The following RGS7 variants were observed in gnomAD, a reference collection of about 807,000 sequenced individuals.
RGS7 encodes regulator of G-protein signaling 7.
RGS7 carries 27 observed loss-of-function variants against 81.1 expected under a neutral mutation model. The ratio of observed to expected loss-of-function variants is 0.33; its 90% CI spans 0.25 to 0.46. The LOEUF (loss-of-function observed/expected upper bound fraction) is 0.46, where lower values mean the gene tolerates loss of function less well. Ranked by LOEUF, RGS7 falls within the 20% of genes least tolerant of loss-of-function variation. The pLI is 1.00. For missense variants in RGS7, 396 were observed against 607.4 expected (o/e 0.65, Z 3.66); for synonymous variants, 208 against 207.7 (o/e 1.00, Z -0.01).
At chr1:241,106,742 A>G (rs1266493948) in intron 2 of RGS7, among the ~76,000 whole-genome samples, 78 of 115,826 alleles carry the variant, frequency 6.7e-4, no homozygotes, top group African/African-American at 3.3e-3. Flanking sequence ...AAAAAAAACC[A>G]ACACCACCAC....
chr1:240,793,887 C>T (rs977225296), intron 18 of RGS7, among the ~76,000 whole-genome samples: 2 of 151,988 alleles, frequency 1.3e-5, no homozygotes, highest in Non-Finnish European at 2.9e-5. Flanking sequence ...GCTGGGATTA[C>T]AGGCGTGAGC....
chr1:241,145,465 A>G (rs543922290), intron 2 of RGS7, among the ~76,000 whole-genome samples: 33 of 152,312 alleles, frequency 2.2e-4, no homozygotes, highest in African/African-American at 7.5e-4. Context: ...TAAAGGTTGG[A>G]TCCGATAACT....
Position 241,105,001 on chromosome 1 carries a change from A to G in RGS7, c.79-6239T>C, listed in dbSNP as rs541826761. Among the ~76,000 whole-genome samples, 12 of 152,310 alleles carry G rather than the reference A, an allele frequency of 7.9e-5. No homozygotes were observed. In the South Asian group the frequency reaches 2.1e-3, roughly 26 times the overall value. ...TTAAGATTTGGTCTTGAGATGTTTGATATGTTTTTTTCTTTGTATGTAACT... is the reference window on the plus strand; with the variant it reads ...TTAAGATTTGGTCTTGAGATGTTTGGTATGTTTTTTTCTTTGTATGTAACT... On this transcript the variant is annotated intron_variant, in intron 2 of 18. Transcript: ENST00000440928.
At chr1:240,990,817 T>TA (rs1278808675) in intron 3 of RGS7, among the ~76,000 whole-genome samples, 1 of 152,228 alleles carries the variant, frequency 6.6e-6, no homozygotes, top group African/African-American at 2.4e-5. Flanking sequence ...TCAGTAAACC[T>TA]CAGATACATT....
chr1:241,288,625 C>T (rs1192555103), intron 2 of RGS7, among the ~76,000 whole-genome samples: 3 of 152,240 alleles, frequency 2.0e-5, no homozygotes, highest in Middle Eastern at 3.4e-3. Flanking sequence ...GCAGAGCCCA[C>T]GGTTATCTGT....
intron 2 of RGS7, among the ~76,000 whole-genome samples, chr1:241,282,521 A>G (rs917766787): frequency 1.3e-5 from 2 of 152,212 alleles, no homozygotes; most frequent in Non-Finnish European, 2.9e-5. Context: ...TCATCTGCAA[A>G]TAAGGATCTC....
intron 3 of RGS7, among the ~76,000 whole-genome samples, chr1:240,997,259 G>A (rs1687433099): frequency 6.6e-6 from 1 of 152,030 alleles, no homozygotes; most frequent in South Asian, 2.1e-4. Flanking sequence ...ATGATTACAG[G>A]TGTCAGCCAC....
chr1:240,903,972 G>A (rs1256375704), intron 6 of RGS7, among the ~76,000 whole-genome samples: 1 of 152,166 alleles, frequency 6.6e-6, no homozygotes, highest in East Asian at 1.9e-4. Flanking sequence ...AGAACTGTGA[G>A]CCAAATAAAC....
chr1:241,056,410 T>C (rs1023022181), intron 3 of RGS7, among the ~76,000 whole-genome samples: 1 of 152,212 alleles, frequency 6.6e-6, no homozygotes, highest in African/African-American at 2.4e-5. Flanking sequence ...TTTACGTTTT[T>C]GTGTGTGCCT....
intron 6 of RGS7, among the ~76,000 whole-genome samples, chr1:240,883,697 C>A (rs996144466): frequency 2.0e-5 from 3 of 152,218 alleles, no homozygotes; most frequent in African/African-American, 7.2e-5. Flanking sequence ...CCTGTTCCAG[C>A]TCTCATACTG....
chr1:241,145,976 C>G (rs1205396399), intron 2 of RGS7, among the ~76,000 whole-genome samples: 10 of 152,068 alleles, frequency 6.6e-5, no homozygotes, highest in Admixed American at 6.5e-4. Flanking sequence ...AGGGGAGAAG[C>G]AATGGCATCT....
At chr1:240,944,280 G>GTATA (rs1678168411) in intron 4 of RGS7, among the ~76,000 whole-genome samples, 5 of 21,182 alleles carry the variant, frequency 2.4e-4, no homozygotes, top group African/African-American at 7.9e-4. Context: ...GTGTGTGTGT[G>GTATA]TGTATATATA....
intron 6 of RGS7, among the ~76,000 whole-genome samples, chr1:240,929,817 G>A (rs866208290): frequency 4.6e-5 from 7 of 152,166 alleles, no homozygotes; most frequent in East Asian, 1.9e-4. Context: ...AAGACCCCAG[G>A]GAAAGTCAAT....
chr1:241,318,502 G>A (rs1187053374), intron 2 of RGS7, among the ~76,000 whole-genome samples: 2 of 151,714 alleles, frequency 1.3e-5, no homozygotes, highest in Non-Finnish European at 2.9e-5. Flanking sequence ...TGTTGCCCAG[G>A]CTGGAGTGCA....
At chr1:240,908,157 C>T (rs261829) in intron 6 of RGS7, among the ~76,000 whole-genome samples, 144,321 of 145,736 alleles carry the variant, frequency 0.99, 71,482 homozygotes, top group Middle Eastern at 1. Flanking sequence ...ATGAGAACAC[C>T]TGGACACAGG....
At position 241,056,511 on chromosome 1, in the gene RGS7, A is replaced by G. The variant is rs148740644; in HGVS notation, c.175+42155T>C. On this transcript the variant is annotated intron_variant, in intron 3 of 18. Transcript: ENST00000440928. ...TTACTACTCTATCTTTAGTGCAAAG[A>G]ATAATGTTTATCACACAACAGGTGC... is the stretch of plus-strand genomic sequence containing the variant. Among the ~76,000 whole-genome samples, 992 of 152,316 alleles carry G rather than the reference A, an allele frequency of 6.5e-3. 6 individuals carry two copies. Among genetic ancestry groups the G allele is most frequent in the Middle Eastern group, 0.024 (7 of 294 alleles).
intron 9 of RGS7, among the ~76,000 whole-genome samples, chr1:240,849,093 TC>T (rs1659621661): frequency 6.6e-6 from 1 of 152,162 alleles, no homozygotes; most frequent in South Asian, 2.1e-4. Flanking sequence ...CCCTAAGTCT[TC>T]CCTCCTTTCT....
At chr1:241,195,301 C>A (rs2072984597) in intron 2 of RGS7, among the ~76,000 whole-genome samples, 1 of 152,036 alleles carries the variant, frequency 6.6e-6, no homozygotes, top group South Asian at 2.1e-4. Context: ...TGTGGTGAAA[C>A]CCCGTCTCTA....
At chr1:241,327,048 G>GAGT (rs2081575496) in intron 2 of RGS7, among the ~76,000 whole-genome samples, 1 of 28,570 alleles carries the variant, frequency 3.5e-5, no homozygotes, top group Non-Finnish European at 6.8e-5. Context: ...GGGAGGGAGG[G>GAGT]GAAAGGAAGG....
Sources: gnomAD v4.1 joint callset for allele counts (sites outside exome capture counted in the v4.1 genomes callset) on GRCh38, gnomAD v4.1.1 for gene constraint, MANE v1.5 for transcripts, NCBI Gene and HGNC (gene_info 2026-07-23, HGNC 2026-07-21) for gene names.